The following PTPN11 variants were observed in gnomAD, a reference collection of about 807,000 sequenced individuals.
PTPN11 encodes the protein protein tyrosine phosphatase non-receptor type 11, also known as tyrosine-protein phosphatase non-receptor type 11.
PTPN11 carries 6 observed loss-of-function variants against 78.8 expected under a neutral mutation model. The observed-to-expected ratio is 0.08, with a 90% confidence interval of 0.04 to 0.15. The LOEUF (loss-of-function observed/expected upper bound fraction) is 0.15. PTPN11 is among the 10% of genes least tolerant of loss of function. PTPN11 has a pLI of 1.00. For synonymous variants in PTPN11, 221 were observed against 263.5 expected (o/e 0.84, Z 1.56); for missense variants, 386 against 744.8 (o/e 0.52, Z 5.61).
intron 1 of PTPN11, among the ~76,000 whole-genome samples, chr12:112,445,920 G>A (rs1255982733): frequency 5.9e-5 from 9 of 152,132 alleles, no homozygotes; most frequent in African/African-American, 2.2e-4. Context: ...GATTACAGGC[G>A]TGAGCCACCG....
At position 112,450,328 on chromosome 12, in the gene PTPN11, G is replaced by C. The variant is rs587778636; in HGVS notation, c.148G>C (p.Ala50Pro). The change falls in exon 3 of 16, where the codon GCT (alanine) becomes CCT (proline). Residue 50 changes from alanine to proline, a missense_variant. Ala to Pro is a conservative substitution (Grantham distance 27, BLOSUM62 -1). Around this residue, in one of 3 missense-constraint regions of PTPN11, gnomAD observed 279 missense variants for 503.3 expected, o/e 0.55. Coordinates refer to ENST00000351677, the MANE Select transcript of PTPN11 (RefSeq NM_002834.5). Reference protein sequence around the residue: ...DFTLSVRRNGAVTHIKIQNTG... With the variant: ...DFTLSVRRNGPVTHIKIQNTG... ...AATGGACTATTTTAGAAGAAATGGA[G>C]CTGTCACCCACATCAAGATTCAGAA... 6.2e-7 allele frequency: 1 copy of C among 1,609,376 alleles called. No individual in the cohort carries two copies. Among genetic ancestry groups the C allele is most frequent in the Non-Finnish European group, 8.5e-7 (1 of 1,175,746 alleles).
chr12:112,505,870 A>G lies in PTPN11; in HGVS notation c.*78A>G, dbSNP rs886457688. On this transcript the variant is annotated 3_prime_UTR_variant, in exon 16 of 16. Transcript: ENST00000351677. ...CCTAAAAAGATCAAGAACAGACGCA[A>G]GAAAGTTTATGTGAAGACAGAATTT... 6.4e-6 allele frequency: 1 copy of G among 155,210 alleles called. No homozygotes were observed. The highest frequency in any genetic ancestry group is 2.4e-5 in the African/African-American group (1 of 41,450). The allele number at this position is 155,210 out of a possible 1,614,324, so 9.6% of individuals were successfully genotyped here. A position where few individuals can be genotyped will look rare whatever the true frequency, so the allele number is the denominator to read the frequency against.
intron 1 of PTPN11, among the ~76,000 whole-genome samples, chr12:112,435,892 G>GA (rs1263417165): frequency 1.3e-5 from 2 of 151,974 alleles, no homozygotes; most frequent in Admixed American, 1.3e-4. Context: ...GGAATTAAAA[G>GA]AAAAAATCCA....
chr12:112,505,168 T>C (rs2038918437), intron 15 of PTPN11, among the ~76,000 whole-genome samples: 1 of 152,178 alleles, frequency 6.6e-6, no homozygotes, highest in South Asian at 2.1e-4. Flanking sequence ...CACTGGGTGG[T>C]TGGGAGTCAG....
At chr12:112,485,776 C>G (rs1445235911) in intron 10 of PTPN11, among the ~76,000 whole-genome samples, 1 of 151,978 alleles carries the variant, frequency 6.6e-6, no homozygotes, top group Non-Finnish European at 1.5e-5. Context: ...CAGGAGTTTG[C>G]AACCAGCCTG....
In PTPN11 at chr12:112,482,533, G is replaced by A. The variant is rs1160166944; in HGVS notation, c.1224+328G>A. Among the ~76,000 whole-genome samples, 2 of 152,170 alleles carry A rather than the reference G, an allele frequency of 1.3e-5. No homozygotes were observed. The highest frequency in any genetic ancestry group is 2.4e-5 in the African/African-American group (1 of 41,436). On this transcript the variant is annotated intron_variant, in intron 10 of 15. Coordinates refer to ENST00000351677, the MANE Select transcript of PTPN11 (RefSeq NM_002834.5). The surrounding 1 kb of genome is among the most constrained non-coding windows in gnomAD (Gnocchi z 4.4). Reference sequence around the variant, plus strand: ...GTGGATCGCTTGAGCCGGGGAGTTCGAGACCAGCCCTGGGTGGGAGACTGG... The same window carrying A: ...GTGGATCGCTTGAGCCGGGGAGTTCAAGACCAGCCCTGGGTGGGAGACTGG...
chr12:112,438,223 G>C (rs1457406931), intron 1 of PTPN11, among the ~76,000 whole-genome samples: 3 of 152,074 alleles, frequency 2.0e-5, no homozygotes, highest in Admixed American at 2.0e-4. Flanking sequence ...ACTGACGTTT[G>C]GTATATTTTC....
At chr12:112,447,546 C>T (rs2038012468) in intron 2 of PTPN11, among the ~76,000 whole-genome samples, 1 of 151,720 alleles carries the variant, frequency 6.6e-6, no homozygotes, top group Admixed American at 6.6e-5. Flanking sequence ...ATTGCCCAGG[C>T]TGAAGTGCAA....
intron 1 of PTPN11, among the ~76,000 whole-genome samples, chr12:112,419,469 G>A (rs1213070067): frequency 1.3e-5 from 2 of 152,188 alleles, no homozygotes; most frequent in African/African-American, 4.8e-5. Flanking sequence ...CATGAGAATT[G>A]CCTCATGGTG....
intron 10 of PTPN11, among the ~76,000 whole-genome samples, chr12:112,485,152 T>C (rs1005115766): frequency 6.6e-6 from 1 of 151,694 alleles, no homozygotes; most frequent in Admixed American, 6.6e-5. Flanking sequence ...GGGAGTCGAG[T>C]CTGAGGCCCA....
intron 6 of PTPN11, among the ~76,000 whole-genome samples, chr12:112,461,500 A>G (rs902130738): frequency 2.7e-5 from 4 of 150,654 alleles, no homozygotes; most frequent in Non-Finnish European, 5.9e-5. Flanking sequence ...TAATTTTTTG[A>G]TTCTTTTGTA....
At chr12:112,445,143 T>C (rs1003743978) in intron 1 of PTPN11, among the ~76,000 whole-genome samples, 2 of 152,076 alleles carry the variant, frequency 1.3e-5, no homozygotes, top group Non-Finnish European at 2.9e-5. Context: ...ATTATTATTA[T>C]TTTTTTGAGA....
intron 6 of PTPN11, among the ~76,000 whole-genome samples, chr12:112,463,199 T>C (rs1345748584): frequency 6.6e-6 from 1 of 151,968 alleles, no homozygotes; most frequent in African/African-American, 2.4e-5. Context: ...TAAAATAAAT[T>C]TTTTTAACAT....
Position 112,419,093 on chromosome 12 carries a change from G to GC in PTPN11, c.-17dup. On this transcript the variant is annotated 5_prime_UTR_variant, in exon 1 of 16. Coordinates refer to ENST00000351677, the MANE Select transcript of PTPN11 (RefSeq NM_002834.5). ...GAGCAAGGAGCGGGTCCGTCGCGGA[G>GC]CCGGAGGGCGGGAGGAACATGACAT... 1.3e-6 allele frequency: 2 copies of GC among 1,532,252 alleles called. No homozygotes were observed. The highest frequency in any genetic ancestry group is 1.8e-6 in the Non-Finnish European group (2 of 1,141,922). 94.9% of individuals were successfully genotyped at this position (1,532,252 alleles called of 1,614,324 possible).
At chr12:112,486,707 C>A (rs1269297860) in intron 11 of PTPN11, 78 bp downstream of exon 11, 3 of 1,576,738 alleles carry the variant, frequency 1.9e-6, no homozygotes, top group Non-Finnish European at 2.6e-6. Flanking sequence ...TACCTACCCA[C>A]TCCTAGCTCT....
At chr12:112,427,253 A>T (rs529384013) in intron 1 of PTPN11, among the ~76,000 whole-genome samples, 6 of 150,996 alleles carry the variant, frequency 4.0e-5, no homozygotes, top group South Asian at 2.1e-4. Context: ...CTCAAAAAAA[A>T]ATATAGATAT....
At chr12:112,455,771 T>C (rs1271095017) in intron 5 of PTPN11, among the ~76,000 whole-genome samples, 179 bp from the exon 6 acceptor site, 2 of 152,094 alleles carry the variant, frequency 1.3e-5, no homozygotes, top group Non-Finnish European at 2.9e-5. Context: ...ATTTTCTGGC[T>C]GAACAGAAAA....
chr12:112,506,674 G>A lies in PTPN11; in HGVS notation c.*882G>A, dbSNP rs908029918. 6 of 152,198 alleles carry A rather than the reference G, an allele frequency of 3.9e-5. No homozygotes were observed. Among genetic ancestry groups the A allele is most frequent in the African/African-American group, 1.4e-4 (6 of 41,452 alleles). 9.4% of individuals were successfully genotyped at this position (152,198 alleles called of 1,614,324 possible). A position where few individuals can be genotyped will look rare whatever the true frequency, so the allele number is the denominator to read the frequency against. On this transcript the variant is annotated 3_prime_UTR_variant, in exon 16 of 16. Coordinates refer to ENST00000351677, the MANE Select transcript of PTPN11 (RefSeq NM_002834.5). ...CCCCAACTGTTAGTCAATCTGAGCT[G>A]GGCTCAGCTGGGCTGTTCTTCTGCC...
chr12:112,423,473 A>T (rs2037556446), intron 1 of PTPN11, among the ~76,000 whole-genome samples: 2 of 151,930 alleles, frequency 1.3e-5, no homozygotes, highest in African/African-American at 4.8e-5. Context: ...TTTAGTAGGG[A>T]TGGGGTTTCA....
Sources: gnomAD v4.1 joint callset for allele counts (sites outside exome capture counted in the v4.1 genomes callset) on GRCh38, gnomAD v4.1.1 for gene constraint, gnomAD v4.1.1 regional missense constraint, Gnocchi (gnomAD v3.1) non-coding constraint, MANE v1.5 for transcripts, NCBI Gene and HGNC (gene_info 2026-07-23, HGNC 2026-07-21) for gene names.